LYPD6B: variants seen among roughly 807,000 people sequenced by gnomAD.
LYPD6B encodes LY6/PLAUR domain containing 6B, also known as ly6/PLAUR domain-containing protein 6B.
In LYPD6B, 17 loss-of-function variants were observed where a neutral mutation model predicts 22.8. The ratio of observed to expected loss-of-function variants is 0.75; its 90% CI spans 0.51 to 1.12. The LOEUF (loss-of-function observed/expected upper bound fraction) is 1.12, where lower values mean the gene tolerates loss of function less well. Among genes scored for constraint, LYPD6B ranks in the 50% most tolerant of loss-of-function variants. LYPD6B has a pLI of 0.00. For missense variants in LYPD6B, 221 were observed against 258.3 expected (o/e 0.86, Z 0.99); for synonymous variants, 106 against 91.6 (o/e 1.16, Z -0.90).
At chr2:149,082,626 C>T (rs1439368166) in intron 1 of LYPD6B, among the ~76,000 whole-genome samples, 1 of 152,216 alleles carries the variant, frequency 6.6e-6, no homozygotes, top group East Asian at 1.9e-4. Context: ...CTTAGTGATA[C>T]TATGGTAAAG....
intron 4 of LYPD6B, among the ~76,000 whole-genome samples, chr2:149,206,658 CAT>C (rs1693524920): frequency 6.6e-6 from 1 of 152,018 alleles, no homozygotes; most frequent in South Asian, 2.1e-4. Flanking sequence ...AGACGGAAAA[CAT>C]ATAGAAGAAA....
At chr2:149,194,982 G>C (rs1692717728) in intron 3 of LYPD6B, among the ~76,000 whole-genome samples, 1 of 152,158 alleles carries the variant, frequency 6.6e-6, no homozygotes, top group African/African-American at 2.4e-5. Context: ...GCTGAAAATG[G>C]AGTTCTCATA....
chr2:149,096,675 TC>T (rs1387028514), intron 1 of LYPD6B, among the ~76,000 whole-genome samples: 11 of 152,200 alleles, frequency 7.2e-5, no homozygotes, highest in African/African-American at 2.7e-4. Context: ...CCTCTGAATA[TC>T]CCTGGGTGGT....
intron 1 of LYPD6B, among the ~76,000 whole-genome samples, chr2:149,066,748 T>C (rs950562079): frequency 6.6e-6 from 1 of 152,054 alleles, no homozygotes; most frequent in Admixed American, 6.6e-5. Context: ...CTCCCTTCTC[T>C]TCTCTTCTCT....
At chr2:149,062,658 A>G (rs1257516475) in intron 1 of LYPD6B, among the ~76,000 whole-genome samples, 1 of 152,166 alleles carries the variant, frequency 6.6e-6, no homozygotes, top group African/African-American at 2.4e-5. Flanking sequence ...CCACGACAAG[A>G]ATAGACATGC....
chr2:149,132,103 A>G (rs1688068229), intron 2 of LYPD6B, among the ~76,000 whole-genome samples: 1 of 152,014 alleles, frequency 6.6e-6, no homozygotes, highest in East Asian at 1.9e-4. Flanking sequence ...TAGGCAAGTC[A>G]GGGCTGGTTG....
chr2:149,177,797 C>A (rs180815161), intron 3 of LYPD6B, among the ~76,000 whole-genome samples: 1 of 149,502 alleles, frequency 6.7e-6, no homozygotes, highest in Non-Finnish European at 1.5e-5. Context: ...ACTGCATCTT[C>A]TCCTTACACA....
In LYPD6B at chr2:149,071,123, C is replaced by T. The variant is rs189471383; in HGVS notation, c.-67+32322C>T. ...GATAAAGCAGTGGGAATGTAAAACG[C>T]GGCTTGGCAGGGTCTGCCTGGGATT... On this transcript the variant is annotated intron_variant, in intron 1 of 6. Transcript: ENST00000409642. Among the ~76,000 whole-genome samples the T allele has an allele frequency of 2.8e-3, 419 of 152,306 alleles. 2 individuals are homozygous for T. The highest frequency in any genetic ancestry group is 5.0e-3 in the Admixed American group (77 of 15,302).
chr2:149,051,541 C>T (rs1366556002), intron 1 of LYPD6B, among the ~76,000 whole-genome samples: 1 of 152,116 alleles, frequency 6.6e-6, no homozygotes, highest in Non-Finnish European at 1.5e-5. Flanking sequence ...TAGAATTCAG[C>T]TTTTTGCTAT....
At chr2:149,052,669 G>T (rs115190518) in intron 1 of LYPD6B, among the ~76,000 whole-genome samples, 4,342 of 152,276 alleles carry the variant, frequency 0.029, 88 homozygotes, top group Non-Finnish European at 0.043. Flanking sequence ...ATGAACACCA[G>T]CCCCACTGCT....
chr2:149,187,585 T>A, intron 3 of LYPD6B: 2 of 1,373,068 alleles, frequency 1.5e-6, no homozygotes, highest in Non-Finnish European at 1.9e-6. Flanking sequence ...ACATTGTAGG[T>A]GCCCCGTAAA....
Position 149,046,271 on chromosome 2 carries a change from C to G in LYPD6B, c.-67+7470C>G, listed in dbSNP as rs1683300175. On this transcript the variant is annotated intron_variant, in intron 1 of 6. Transcript: ENST00000409642. The stretch of plus-strand genomic sequence containing the variant: ...CTTTTTGTGTTCTTTTACTTTTAAC[C>G]TATATTTAGGTTATAAAATAACCTG... Among the ~76,000 whole-genome samples the G allele has an allele frequency of 2.0e-5, 3 of 152,090 alleles. 1 individual carries two copies. The highest frequency in any genetic ancestry group is 4.1e-4 in the South Asian group (2 of 4,820).
At chr2:149,197,323 C>G (rs1345598437) in intron 3 of LYPD6B, among the ~76,000 whole-genome samples, 1 of 152,148 alleles carries the variant, frequency 6.6e-6, no homozygotes, top group Non-Finnish European at 1.5e-5. Flanking sequence ...ACCATCCTGG[C>G]CAACATGGTG....
chr2:149,173,349 C>CTTTTTTTTTTTGTTTTT (rs1690991320), intron 3 of LYPD6B, among the ~76,000 whole-genome samples: 1 of 58,488 alleles, frequency 1.7e-5, no homozygotes. Context: ...TCTGTCAGGC[C>CTTTTTTTTTTTGTTTTT]TTTTTTTTTT....
chr2:149,040,517 C>T (rs1683028836), intron 1 of LYPD6B, among the ~76,000 whole-genome samples: 1 of 152,114 alleles, frequency 6.6e-6, no homozygotes, highest in South Asian at 2.1e-4. Flanking sequence ...TGAGCCACTG[C>T]ACCCGGCCCC....
chr2:149,114,347 G>A lies in LYPD6B; in HGVS notation c.-66-16536G>A, dbSNP rs114325257. Among the ~76,000 whole-genome samples the A allele has an allele frequency of 7.9e-3, 1,201 of 152,252 alleles. 14 individuals are homozygous for A. The highest frequency in any genetic ancestry group is 0.027 in the African/African-American group (1,134 of 41,532). ...ATACATTTCTTTTGGAAAAGTGTTA[G>A]CATTTTGTGCTGCTGAATTAAATCA... On this transcript the variant is annotated intron_variant, in intron 1 of 6. Coordinates refer to ENST00000409642, the MANE Select transcript of LYPD6B (RefSeq NM_177964.5).
intron 1 of LYPD6B, among the ~76,000 whole-genome samples, chr2:149,047,755 A>G (rs1004749342): frequency 3.3e-5 from 5 of 151,992 alleles, no homozygotes; most frequent in African/African-American, 7.2e-5. Context: ...AGTTACACCT[A>G]GGTTTGAATT....
intron 1 of LYPD6B, among the ~76,000 whole-genome samples, chr2:149,093,584 T>A (rs1685767275): frequency 1.3e-5 from 2 of 152,284 alleles, no homozygotes; most frequent in East Asian, 3.9e-4. Context: ...GGATTTGAGA[T>A]TTTGAGCTGT....
At chr2:149,098,643 A>G (rs6744494) in intron 1 of LYPD6B, among the ~76,000 whole-genome samples, 40,211 of 131,236 alleles carry the variant, frequency 0.31, 6,205 homozygotes, top group East Asian at 0.54. Flanking sequence ...AAAAAAAAAA[A>G]AAAAAAGAAA....
Sources: allele counts gnomAD v4.1 joint callset (sites outside exome capture counted in the v4.1 genomes callset), GRCh38; gene constraint gnomAD v4.1.1; transcripts MANE v1.5; gene names NCBI Gene and HGNC (gene_info 2026-07-23, HGNC 2026-07-21).